Variants in SLC8A1 observed in about 807,000 individuals in gnomAD.
SLC8A1 encodes the protein sodium/calcium exchanger 1.
SLC8A1 carries 18 observed loss-of-function variants against 68.3 expected under a neutral mutation model. That is an observed-to-expected ratio of 0.26 (90% CI 0.18 to 0.39). The LOEUF (loss-of-function observed/expected upper bound fraction) is 0.39, where lower values mean the gene tolerates loss of function less well. SLC8A1 is among the 10% of genes least tolerant of loss of function. The pLI, the probability that SLC8A1 is intolerant of heterozygous loss-of-function variation, is 1.00. For missense variants in SLC8A1, 985 were observed against 1,156.7 expected, an observed-to-expected ratio of 0.85 and a Z score of 2.15; for synonymous variants, 475 against 415.5, an observed-to-expected ratio of 1.14 and a Z score of -1.74.
intron 2 of SLC8A1, among the ~76,000 whole-genome samples, chr2:40,346,048 A>T (rs925844224): frequency 1.5e-5 from 1 of 67,146 alleles, no homozygotes; most frequent in Non-Finnish European, 3.1e-5. Context: ...CATTAACAGT[A>T]AAAAAAAAAA....
chr2:40,383,703 T>C (rs1682663015), intron 2 of SLC8A1, among the ~76,000 whole-genome samples: 1 of 152,130 alleles, frequency 6.6e-6, no homozygotes, highest in South Asian at 2.1e-4. Flanking sequence ...AGTTGTCACT[T>C]AAATCCATTT....
chr2:40,171,313 A>T (rs1215078445), intron 4 of SLC8A1, among the ~76,000 whole-genome samples: 1 of 152,206 alleles, frequency 6.6e-6, no homozygotes, highest in African/African-American at 2.4e-5. Context: ...TATTAAGTCT[A>T]TTATGTGCTG....
At chr2:40,225,499 TGTG>T (rs1340198402) in intron 2 of SLC8A1, among the ~76,000 whole-genome samples, 1 of 152,062 alleles carries the variant, frequency 6.6e-6, no homozygotes, top group African/African-American at 2.4e-5. Flanking sequence ...AACAAAAGAA[TGTG>T]GTGACTGGAG....
intron 6 of SLC8A1, among the ~76,000 whole-genome samples, chr2:40,146,454 C>T (rs879423919): frequency 2.0e-5 from 3 of 152,132 alleles, no homozygotes; most frequent in African/African-American, 7.2e-5. Context: ...GGTCTCCAAA[C>T]TTTTTGGCAC....
chr2:40,330,024 T>C (rs1055161186), intron 2 of SLC8A1, among the ~76,000 whole-genome samples: 1 of 152,204 alleles, frequency 6.6e-6, no homozygotes, highest in Non-Finnish European at 1.5e-5. Context: ...CATAAACTAA[T>C]GTTTCTAACT....
chr2:40,293,831 A>C (rs77535400), intron 2 of SLC8A1, among the ~76,000 whole-genome samples: 6,152 of 152,198 alleles, frequency 0.04, 410 homozygotes, highest in African/African-American at 0.14. Context: ...ACATAATTTT[A>C]TGTCATAAAA....
At chr2:40,446,204 T>C (rs1457508567) in intron 1 of SLC8A1, among the ~76,000 whole-genome samples, 1 of 152,234 alleles carries the variant, frequency 6.6e-6, no homozygotes, top group East Asian at 1.9e-4. Flanking sequence ...AAGTGGTCTG[T>C]CTCTTGCCTC....
chr2:40,162,657 A>G (rs2045887547), intron 5 of SLC8A1, among the ~76,000 whole-genome samples: 1 of 152,162 alleles, frequency 6.6e-6, no homozygotes, highest in Non-Finnish European at 1.5e-5. Flanking sequence ...TCCTTGACCT[A>G]TGGGAAAAAT....
chr2:40,419,170 C>G (rs1694767921), intron 2 of SLC8A1, among the ~76,000 whole-genome samples: 1 of 152,204 alleles, frequency 6.6e-6, no homozygotes, highest in Non-Finnish European at 1.5e-5. Context: ...GATTGATGCT[C>G]ATAGAATATT....
At chr2:40,143,362 G>A (rs1409919258) in intron 6 of SLC8A1, among the ~76,000 whole-genome samples, 1 of 152,134 alleles carries the variant, frequency 6.6e-6, no homozygotes, top group African/African-American at 2.4e-5. Context: ...ATGGTAGGAT[G>A]CCTGTTCTGT....
exon 8 of SLC8A1, chr2:40,101,164 T>C (rs1480655450): frequency 6.6e-6 from 1 of 152,176 alleles, no homozygotes; most frequent in African/African-American, 2.4e-5. Context: ...CTTTCAGTTC[T>C]GCACCAATTC....
intron 2 of SLC8A1, among the ~76,000 whole-genome samples, chr2:40,248,173 C>G (rs983649732): frequency 3.3e-5 from 5 of 152,174 alleles, no homozygotes; most frequent in Non-Finnish European, 5.9e-5. Flanking sequence ...CCTGAATGTT[C>G]TCAACTATGG....
intron 1 of SLC8A1, among the ~76,000 whole-genome samples, chr2:40,437,583 G>A (rs915039908): frequency 6.6e-6 from 1 of 152,108 alleles, no homozygotes. Flanking sequence ...GAGGGGAACG[G>A]ATAATGAACG....
chr2:40,303,682 T>C (rs928372377), intron 2 of SLC8A1, among the ~76,000 whole-genome samples: 2 of 152,182 alleles, frequency 1.3e-5, no homozygotes, highest in African/African-American at 4.8e-5. Context: ...TCCAGATGTA[T>C]AATTTGCTAT....
chr2:40,097,383 A>G (rs2125013738), exon 8 of SLC8A1: 1 of 152,178 alleles, frequency 6.6e-6, no homozygotes, highest in Non-Finnish European at 1.5e-5. Flanking sequence ...AAAACTTCAC[A>G]GATTACAGTT....
rs56721469 is a variant in SLC8A1, at chr2:40,463,107, A to G, written c.-24-32803T>C. On this transcript the variant is annotated intron_variant, in intron 1 of 7. Transcript: ENST00000402441. ...CATTGTGGTAAGTGGCAGCAAGAAG[A>G]CACAGAGAGTGGGCTTAGACGTTTT... is the stretch of plus-strand genomic sequence containing the variant. Among the ~76,000 whole-genome samples the G allele has an allele frequency of 3.6e-3, 545 of 152,328 alleles. 2 individuals carry two copies. Among genetic ancestry groups the G allele is most frequent in the African/African-American group, 0.012 (519 of 41,570 alleles).
intron 2 of SLC8A1, among the ~76,000 whole-genome samples, chr2:40,323,936 C>T (rs915306733): frequency 6.0e-5 from 9 of 151,260 alleles, no homozygotes; most frequent in African/African-American, 2.2e-4. Flanking sequence ...AAAGTCTGTA[C>T]AAAATTTTGC....
chr2:40,416,787 A>G (rs1694016773), intron 2 of SLC8A1, among the ~76,000 whole-genome samples: 4 of 151,962 alleles, frequency 2.6e-5, no homozygotes, highest in Admixed American at 2.6e-4. Context: ...CCTGGATTAT[A>G]TTCTCTATTT....
intron 2 of SLC8A1, among the ~76,000 whole-genome samples, chr2:40,258,579 A>G (rs1017119017): frequency 2.6e-5 from 4 of 152,070 alleles, no homozygotes; most frequent in Non-Finnish European, 5.9e-5. Context: ...GGTGGCTCAC[A>G]CCTGCAATCC....
Sources: gnomAD v4.1 joint callset for allele counts (sites outside exome capture counted in the v4.1 genomes callset) on GRCh38, gnomAD v4.1.1 for gene constraint, MANE v1.5 for transcripts, NCBI Gene and HGNC (gene_info 2026-07-23, HGNC 2026-07-21) for gene names.